The following BCKDHB variants were observed in gnomAD, a reference collection of about 807,000 sequenced individuals.
BCKDHB encodes the protein 2-oxoisovalerate dehydrogenase subunit beta, mitochondrial.
In BCKDHB, 41 loss-of-function variants were observed where a neutral mutation model predicts 48.5. That is an observed-to-expected ratio of 0.85 (90% CI 0.66 to 1.10). BCKDHB has a LOEUF of 1.10. BCKDHB is among the 50% of genes least tolerant of loss of function. The pLI, the probability that BCKDHB is intolerant of heterozygous loss-of-function variation, is 0.00. For synonymous variants in BCKDHB, 201 were observed against 174.8 expected, an observed-to-expected ratio of 1.15 and a Z score of -1.18; for missense variants, 496 against 494.2, an observed-to-expected ratio of 1.00 and a Z score of -0.03.
chr6:80,465,340 C>T, the BCKDHB span, among the ~76,000 whole-genome samples: 1 of 152,198 alleles, frequency 6.6e-6, no homozygotes, highest in Non-Finnish European at 1.5e-5. Context: ...CCTCGTACAT[C>T]TGATTTATTT....
chr6:80,455,774 T>C, the BCKDHB span, among the ~76,000 whole-genome samples: 4 of 152,134 alleles, frequency 2.6e-5, no homozygotes, highest in East Asian at 7.7e-4. Context: ...CTATCTCTTA[T>C]CACATTTCCA....
intron 9 of BCKDHB, among the ~76,000 whole-genome samples, chr6:80,291,106 T>C (rs9448917): frequency 0.8 from 121,359 of 152,044 alleles, 48,609 homozygotes; most frequent in Admixed American, 0.87. Context: ...AATGCCTAAC[T>C]GTCTGGGAAT....
At chr6:80,455,177 A>T in the BCKDHB span, among the ~76,000 whole-genome samples, 1 of 152,184 alleles carries the variant, frequency 6.6e-6, no homozygotes, top group Non-Finnish European at 1.5e-5. Context: ...TGAGAGAGGA[A>T]GTGTAGAGAT....
upstream of BCKDHB, chr6:80,106,664 A>G (rs528856152): frequency 2.6e-6 from 4 of 1,547,306 alleles, no homozygotes; most frequent in Admixed American, 2.0e-5. Flanking sequence ...GTGCGGCTGC[A>G]TAGCCTGAGA....
intron 3 of BCKDHB, among the ~76,000 whole-genome samples, chr6:80,151,036 A>G (rs952018692): frequency 6.6e-6 from 1 of 152,174 alleles, no homozygotes; most frequent in Non-Finnish European, 1.5e-5. Flanking sequence ...ATATATGTGT[A>G]CTTATTCACA....
rs660888 is a variant in BCKDHB at position 80,273,495 on chromosome 6, T to A, written c.1038+274T>A. 0.3 allele frequency among the ~76,000 whole-genome samples: 45,495 copies of A among 151,906 alleles called. 7,243 individuals carry two copies. Among genetic ancestry groups the A allele is most frequent in the Non-Finnish European group, 0.37 (24,997 of 67,926 alleles). On this transcript the variant is annotated intron_variant, in intron 9 of 9. Transcript: ENST00000320393. ...TTATGGGAAGAAAGTTTGGAATGAG[T>A]CTACTAAATTAACTTTGCTTGTATT...
intron 9 of BCKDHB, among the ~76,000 whole-genome samples, chr6:80,279,753 T>A (rs957908700): frequency 9.8e-5 from 15 of 152,300 alleles, no homozygotes; most frequent in African/African-American, 3.6e-4. Flanking sequence ...TTAAGTATTC[T>A]GGGGATAGCC....
intron 4 of BCKDHB, among the ~76,000 whole-genome samples, 177 bp from the exon 5 acceptor site, chr6:80,168,698 G>A (rs541171845): frequency 4.3e-5 from 6 of 138,768 alleles, no homozygotes; most frequent in Admixed American, 1.5e-4. Flanking sequence ...CTATGGGAAA[G>A]AAAGGCAGGC....
At chr6:80,263,377 A>G (rs1777382344) in intron 8 of BCKDHB, among the ~76,000 whole-genome samples, 1 of 152,124 alleles carries the variant, frequency 6.6e-6, no homozygotes, top group African/African-American at 2.4e-5. Flanking sequence ...AAACCCTCTT[A>G]TCTTGGTTTT....
chr6:80,165,187 G>C (rs978757769), intron 3 of BCKDHB, among the ~76,000 whole-genome samples: 8 of 152,086 alleles, frequency 5.3e-5, no homozygotes, highest in African/African-American at 1.9e-4. Context: ...AGGTATTCCA[G>C]GGCTGTGAAT....
At chr6:80,279,548 T>C (rs911083956) in intron 9 of BCKDHB, among the ~76,000 whole-genome samples, 9 of 151,958 alleles carry the variant, frequency 5.9e-5, no homozygotes, top group Non-Finnish European at 1.3e-4. Flanking sequence ...TTTCGTCCAT[T>C]GTCTGTTTGA....
chr6:80,289,285 G>A (rs933546830), intron 9 of BCKDHB, among the ~76,000 whole-genome samples: 8 of 152,008 alleles, frequency 5.3e-5, no homozygotes, highest in Non-Finnish European at 5.9e-5. Flanking sequence ...AGTACTTTAC[G>A]GGTTATACAT....
In BCKDHB at chr6:80,176,487, A is replaced by G. The variant is rs148413339; in HGVS notation, c.742+5097A>G. On this transcript the variant is annotated intron_variant, in intron 6 of 9. Coordinates refer to ENST00000320393, the MANE Select transcript of BCKDHB (RefSeq NM_183050.4). ...GGGCACTGAGGACAGGAGATAAAGT[A>G]CAGAGCTCACTTTAGGTAGAGACTT... 1.7e-3 allele frequency among the ~76,000 whole-genome samples: 264 copies of G among 152,320 alleles called. 1 individual carries two copies. The highest frequency in any genetic ancestry group is 6.0e-3 in the African/African-American group (250 of 41,566).
intron 8 of BCKDHB, among the ~76,000 whole-genome samples, chr6:80,250,816 C>T (rs1776808224): frequency 6.6e-6 from 1 of 152,124 alleles, no homozygotes; most frequent in Non-Finnish European, 1.5e-5. Context: ...CATGTATGTA[C>T]TTCGGCAAGT....
chr6:80,348,006 T>C (rs1427208826), downstream of BCKDHB, among the ~76,000 whole-genome samples: 1 of 152,074 alleles, frequency 6.6e-6, no homozygotes, highest in African/African-American at 2.4e-5. Flanking sequence ...TATAAACTAA[T>C]TTAATTTCTG....
chr6:80,172,460 C>G (rs1403742487), intron 6 of BCKDHB, among the ~76,000 whole-genome samples: 2 of 151,936 alleles, frequency 1.3e-5, no homozygotes, highest in Non-Finnish European at 2.9e-5. Flanking sequence ...ATTATTACTA[C>G]TAAGTAATAA....
chr6:80,294,409 G>A (rs1026158952), intron 9 of BCKDHB, among the ~76,000 whole-genome samples: 1 of 152,146 alleles, frequency 6.6e-6, no homozygotes, highest in Admixed American at 6.5e-5. Context: ...AAAAAGAACA[G>A]AATAACAGTG....
chr6:80,307,100 A>C (rs113461148), intron 9 of BCKDHB, among the ~76,000 whole-genome samples: 1 of 152,140 alleles, frequency 6.6e-6, no homozygotes, highest in Non-Finnish European at 1.5e-5. Context: ...TAGTCCTTCA[A>C]CTTGTCTTCA....
the BCKDHB span, among the ~76,000 whole-genome samples, chr6:80,401,329 A>AC: frequency 2.6e-5 from 4 of 151,850 alleles, no homozygotes; most frequent in Non-Finnish European, 5.9e-5. Context: ...TGAAATTTTC[A>AC]CCACCATCAA....
Sources: allele counts gnomAD v4.1 joint callset (sites outside exome capture counted in the v4.1 genomes callset), GRCh38; gene constraint gnomAD v4.1.1; transcripts MANE v1.5; gene names NCBI Gene and HGNC (gene_info 2026-07-23, HGNC 2026-07-21).